Variants in THRB observed in about 807,000 individuals in gnomAD.
The protein encoded by THRB is thyroid hormone receptor beta.
Under a neutral mutation model 47.8 loss-of-function variants are expected in THRB, and 12 were observed. That is an observed-to-expected ratio of 0.25 (90% CI 0.16 to 0.41). The LOEUF (loss-of-function observed/expected upper bound fraction) is 0.41. THRB is among the 10% of genes least tolerant of loss of function. The pLI is 1.00. For missense variants in THRB, 348 were observed against 589.2 expected (o/e 0.59, Z 4.24); for synonymous variants, 218 against 212.2 (o/e 1.03, Z -0.24).
At chr3:24,210,378 G>A (rs1033389826) in intron 4 of THRB, among the ~76,000 whole-genome samples, 10 of 152,098 alleles carry the variant, frequency 6.6e-5, no homozygotes, top group African/African-American at 2.2e-4. Flanking sequence ...ATCCCCGGCT[G>A]GTGGATCTCA....
Position 24,224,449 on chromosome 3 carries a change from C to A in THRB, c.22+4489G>T, listed in dbSNP as rs574492360. ...ATTTTTGAATGGTGTCATTATTTTGCCATCAGTAACCTTTTGAAACCATGG... is the reference window on the plus strand; with the variant it reads ...ATTTTTGAATGGTGTCATTATTTTGACATCAGTAACCTTTTGAAACCATGG... On this transcript the variant is annotated intron_variant, in intron 4 of 10. Coordinates refer to ENST00000646209, the MANE Select transcript of THRB (RefSeq NM_001354712.2). Among the ~76,000 whole-genome samples, 5 of 151,926 alleles carry A rather than the reference C, an allele frequency of 3.3e-5. No homozygotes were observed. In the South Asian group the frequency reaches 1.0e-3, roughly 32 times the overall value.
Position 24,341,180 on chromosome 3 carries a change from T to C in THRB, c.-260-3809A>G, listed in dbSNP as rs1331805386. Among the ~76,000 whole-genome samples the C allele has an allele frequency of 5.8e-5, 5 of 85,872 alleles. 1 individual carries two copies. The highest frequency in any genetic ancestry group is 2.7e-4 in the Admixed American group (2 of 7,470). 56.3% of individuals were successfully genotyped at this position (85,872 alleles called of 152,430 possible). ...TCCCTCCCTTCCTTATTCCTTTCCT[T>C]TCCTTTCGTTTCCTTTCCTTTCTGT... On this transcript the variant is annotated intron_variant, in intron 1 of 10. Coordinates refer to ENST00000646209, the MANE Select transcript of THRB (RefSeq NM_001354712.2).
chr3:24,285,747 A>G (rs375016546), intron 3 of THRB, among the ~76,000 whole-genome samples: 1 of 152,146 alleles, frequency 6.6e-6, no homozygotes, highest in African/African-American at 2.4e-5. Flanking sequence ...CAATTGCTAA[A>G]TTATACCTAT....
chr3:24,125,601 T>C lies in THRB; in HGVS notation c.1144+1898A>G, dbSNP rs545285348. ...GGAGTCCTTGGATAAGCTATAAATT[T>C]TATTTCTTTGAGACTAATTCTCCTG... is the stretch of plus-strand genomic sequence containing the variant. On this transcript the variant is annotated intron_variant, in intron 10 of 10. Transcript: ENST00000646209. 3.3e-5 allele frequency among the ~76,000 whole-genome samples: 5 copies of C among 152,218 alleles called. No homozygotes were observed. The East Asian group carries it at 7.7e-4, about 23-fold the overall frequency.
intron 1 of THRB, chr3:24,459,330 A>G (rs2073481242): frequency 6.6e-6 from 1 of 152,238 alleles, no homozygotes; most frequent in Admixed American, 6.5e-5. Context: ...TCCATGGTGT[A>G]TATGTGCCAC....
chr3:24,455,068 G>T (rs1216019046), intron 1 of THRB: 1 of 141,830 alleles, frequency 7.1e-6, no homozygotes, highest in Admixed American at 7.0e-5. Context: ...TTGACCGAGT[G>T]CTTGGTTTGT....
intron 4 of THRB, among the ~76,000 whole-genome samples, chr3:24,218,663 C>A (rs543716098): frequency 6.6e-6 from 1 of 151,770 alleles, no homozygotes; most frequent in Non-Finnish European, 1.5e-5. Context: ...GTATGTTGTG[C>A]CCCAGTGCTC....
At position 24,135,820 on chromosome 3, in the gene THRB, CATAT is replaced by C. The variant is rs34338818; in HGVS notation, c.739-2362_739-2359del. 3.7e-3 allele frequency among the ~76,000 whole-genome samples: 366 copies of C among 98,448 alleles called. 2 individuals are homozygous for C. The highest frequency in any genetic ancestry group is 5.1e-3 in the Non-Finnish European group (268 of 52,842). The allele number at this position is 98,448 out of a possible 152,430, so 64.6% of individuals were successfully genotyped here. A position where few individuals can be genotyped will look rare whatever the true frequency, so the allele number is the denominator to read the frequency against. Reference sequence around the variant, plus strand: ...GCACACATTCAAAAAGGCAGAGAGTCATATATATATATATATATATATATATAAT... The same window carrying C: ...GCACACATTCAAAAAGGCAGAGAGTCATATATATATATATATATATATAAT... On this transcript the variant is annotated intron_variant, in intron 8 of 10. Transcript: ENST00000646209.
At chr3:24,302,302 A>G (rs1297797052) in intron 2 of THRB, among the ~76,000 whole-genome samples, 1 of 152,206 alleles carries the variant, frequency 6.6e-6, no homozygotes, top group African/African-American at 2.4e-5. Flanking sequence ...AGTACCTGGT[A>G]AAAGACAAGT....
rs752968507 is a variant in THRB, at chr3:24,190,151, T to C, written c.206A>G (p.His69Arg). 1 of 1,614,098 alleles carries C rather than the reference T, an allele frequency of 6.2e-7. No homozygotes were observed. The highest frequency in any genetic ancestry group is 8.5e-7 in the Non-Finnish European group (1 of 1,179,960). Reference sequence around the variant, plus strand: ...GTCGTTCACATCATCATGGTCCAGATGGAATATTGAGCTAGTCCAAGTGGT... The same window carrying C: ...GTCGTTCACATCATCATGGTCCAGACGGAATATTGAGCTAGTCCAAGTGGT... ...IQTTWTSSIF[H>R]LDHDDVNDQS... The change falls in exon 5 of 11, where the codon CAT (histidine) becomes CGT (arginine). Residue 69 changes from histidine (H) to arginine (R), a missense_variant. Coordinates refer to ENST00000646209, the MANE Select transcript of THRB (RefSeq NM_001354712.2).
intron 1 of THRB, among the ~76,000 whole-genome samples, chr3:24,394,939 C>A (rs913156485): frequency 6.6e-6 from 1 of 152,082 alleles, no homozygotes. Context: ...GACACTCTGG[C>A]AGAGAGCAGA....
At chr3:24,252,914 G>A (rs1375177835) in intron 3 of THRB, among the ~76,000 whole-genome samples, 1 of 152,030 alleles carries the variant, frequency 6.6e-6, no homozygotes, top group African/African-American at 2.4e-5. Context: ...TAACAACACT[G>A]CCTATGAGGA....
chr3:24,383,681 C>T (rs999876342), intron 1 of THRB, among the ~76,000 whole-genome samples: 7 of 152,090 alleles, frequency 4.6e-5, no homozygotes, highest in African/African-American at 1.7e-4. Flanking sequence ...CAATTCAGTT[C>T]TATTTCAAGT....
chr3:24,405,261 C>T (rs1044513883), intron 1 of THRB, among the ~76,000 whole-genome samples: 3 of 151,942 alleles, frequency 2.0e-5, no homozygotes, highest in African/African-American at 7.2e-5. Flanking sequence ...GGCGTTGGCA[C>T]GCTATATTCT....
At chr3:24,482,256 C>G (rs894612703) in intron 1 of THRB, among the ~76,000 whole-genome samples, 1 of 152,196 alleles carries the variant, frequency 6.6e-6, no homozygotes, top group African/African-American at 2.4e-5. Context: ...TCACCAGGTA[C>G]TATGTCCTGG....
At chr3:24,144,314 T>C (rs2035825211) in intron 7 of THRB, 1 of 156,514 alleles carries the variant, frequency 6.4e-6, no homozygotes, top group Non-Finnish European at 1.4e-5. Flanking sequence ...TACATTATTC[T>C]CTACCTGGTC....
intron 5 of THRB, among the ~76,000 whole-genome samples, chr3:24,178,088 T>C (rs2041407713): frequency 6.6e-6 from 1 of 152,134 alleles, no homozygotes; most frequent in Non-Finnish European, 1.5e-5. Flanking sequence ...TCTTCTGACA[T>C]TCACCTTTAG....
intron 2 of THRB, among the ~76,000 whole-genome samples, chr3:24,302,043 C>T (rs1016999224): frequency 2.0e-5 from 3 of 152,130 alleles, no homozygotes; most frequent in African/African-American, 7.2e-5. Flanking sequence ...ACTGCAAGGC[C>T]CTAACTTGGT....
At chr3:24,264,795 C>A (rs1465664285) in intron 3 of THRB, among the ~76,000 whole-genome samples, 22 of 148,444 alleles carry the variant, frequency 1.5e-4, no homozygotes, top group African/African-American at 1.5e-4. Context: ...AATCTTGTTG[C>A]AAAAAAAAAA....
Sources: gnomAD v4.1 joint callset for allele counts (sites outside exome capture counted in the v4.1 genomes callset) on GRCh38, gnomAD v4.1.1 for gene constraint, MANE v1.5 for transcripts, NCBI Gene and HGNC (gene_info 2026-07-23, HGNC 2026-07-21) for gene names.